PVT1: variants seen among roughly 807,000 people sequenced by gnomAD.
PVT1 encodes Pvt1 oncogene, also known as CXCR4/PVT1 fusion.
At chr8:127,927,367 C>T (rs974854396) in intron 3 of PVT1, among the ~76,000 whole-genome samples, 17 of 152,196 alleles carry the variant, frequency 1.1e-4, no homozygotes, top group African/African-American at 2.9e-4. Flanking sequence ...CATCCAGGCC[C>T]GTTTCTGGTC....
intron 4 of PVT1, among the ~76,000 whole-genome samples, chr8:128,033,617 G>C (rs891976295): frequency 1.3e-5 from 2 of 152,172 alleles, no homozygotes; most frequent in Non-Finnish European, 2.9e-5. Flanking sequence ...GGAGAAATGA[G>C]GCCTTTGAGC....
chr8:127,976,046 TTTTAAAGAGCC>T (rs1476098485), intron 3 of PVT1, among the ~76,000 whole-genome samples: 1 of 152,198 alleles, frequency 6.6e-6, no homozygotes, highest in African/African-American at 2.4e-5. Flanking sequence ...CCAGGATGGA[TTTTAAAGAGCC>T]TTGTTGTCTC....
intron 2 of PVT1, among the ~76,000 whole-genome samples, chr8:127,831,042 ACG>A (rs1814842398): frequency 1.7e-5 from 2 of 118,950 alleles, no homozygotes; most frequent in Admixed American, 2.0e-4. Context: ...TTATATACAT[ACG>A]TGTGTGTGTG....
chr8:127,916,564 C>G (rs1298687168), intron 3 of PVT1, among the ~76,000 whole-genome samples: 1 of 152,162 alleles, frequency 6.6e-6, no homozygotes, highest in Non-Finnish European at 1.5e-5. Flanking sequence ...TCGCCATAAC[C>G]AAGCAGGAGA....
intron 2 of PVT1, among the ~76,000 whole-genome samples, chr8:127,844,808 G>T (rs377092393): frequency 6.0e-4 from 91 of 152,174 alleles, no homozygotes; most frequent in Middle Eastern, 6.8e-3. Flanking sequence ...CCGCCTCCTG[G>T]GTTCATGCCA....
At chr8:127,958,718 A>G (rs1816600897) in intron 3 of PVT1, among the ~76,000 whole-genome samples, 2 of 152,148 alleles carry the variant, frequency 1.3e-5, no homozygotes, top group Admixed American at 6.5e-5. Context: ...GTGTGACTTG[A>G]CAGCTGCAAT....
intron 5 of PVT1, among the ~76,000 whole-genome samples, chr8:128,086,286 G>A (rs980473566): frequency 1.3e-5 from 2 of 152,198 alleles, no homozygotes; most frequent in African/African-American, 4.8e-5. Context: ...GACACAGGGA[G>A]ACCCAGGGCC....
At chr8:127,868,214 C>T (rs1815306049) in intron 2 of PVT1, among the ~76,000 whole-genome samples, 1 of 152,136 alleles carries the variant, frequency 6.6e-6, no homozygotes, top group Non-Finnish European at 1.5e-5. Flanking sequence ...TCCACCTTAG[C>T]ACTAGCTCTC....
intron 2 of PVT1, among the ~76,000 whole-genome samples, chr8:127,816,968 T>C (rs775346745): frequency 2.0e-5 from 3 of 152,198 alleles, no homozygotes; most frequent in Admixed American, 6.5e-5. Flanking sequence ...CACAGTTGAT[T>C]GATCTGTTCT....
At chr8:127,919,711 CCTCA>C (rs1692317058) in intron 3 of PVT1, among the ~76,000 whole-genome samples, 1 of 152,202 alleles carries the variant, frequency 6.6e-6, no homozygotes, top group African/African-American at 2.4e-5. Flanking sequence ...CGTTTTCTGG[CCTCA>C]CTCACTGTGG....
chr8:128,044,712 A>G (rs1294918948), intron 4 of PVT1, among the ~76,000 whole-genome samples: 1 of 152,246 alleles, frequency 6.6e-6, no homozygotes, highest in African/African-American at 2.4e-5. Flanking sequence ...GAGATGTTCA[A>G]TATAAAATAC....
chr8:128,086,211 A>T (rs1814253163), intron 5 of PVT1, among the ~76,000 whole-genome samples: 1 of 152,218 alleles, frequency 6.6e-6, no homozygotes, highest in African/African-American at 2.4e-5. Flanking sequence ...TAGGACACGA[A>T]CTAGTAGTTC....
intron 2 of PVT1, among the ~76,000 whole-genome samples, chr8:127,838,368 G>A (rs1337898893): frequency 1.3e-5 from 2 of 152,108 alleles, no homozygotes; most frequent in African/African-American, 2.4e-5. Flanking sequence ...GTAGTTTAAA[G>A]GTTTGTCATT....
intron 2 of PVT1, among the ~76,000 whole-genome samples, chr8:127,868,034 A>T (rs1291507977): frequency 6.6e-6 from 1 of 152,228 alleles, no homozygotes; most frequent in Non-Finnish European, 1.5e-5. Flanking sequence ...CTTGACTTTT[A>T]AAATAATCTT....
At chr8:128,058,027 C>T (rs542670950) in intron 4 of PVT1, among the ~76,000 whole-genome samples, 1 of 152,326 alleles carries the variant, frequency 6.6e-6, no homozygotes, top group African/African-American at 2.4e-5. Flanking sequence ...GACCCTTCAT[C>T]AGGAGCTGGG....
At chr8:128,088,673 C>A (rs1306019825) in intron 5 of PVT1, among the ~76,000 whole-genome samples, 1 of 152,186 alleles carries the variant, frequency 6.6e-6, no homozygotes, top group Non-Finnish European at 1.5e-5. Flanking sequence ...TGCATGTGCA[C>A]CTGAAAAGAA....
chr8:128,001,339 T>C (rs989298816), intron 4 of PVT1, among the ~76,000 whole-genome samples: 1 of 151,686 alleles, frequency 6.6e-6, no homozygotes, highest in Non-Finnish European at 1.5e-5. Flanking sequence ...TCTGCAAGGG[T>C]GTGTGACCAT....
At position 127,933,855 on chromosome 8, in the gene PVT1, C is replaced by G. The variant is rs534423308; in HGVS notation, n.782+42857C>G. On this transcript the variant is annotated intron_variant and non_coding_transcript_variant, in intron 3 of 10. Transcript: ENST00000651587. ...CCTTAGGAAAGTTTGAACAGTTTCT[C>G]TACATCCTGGGTTCTTCATCCATGA... Among the ~76,000 whole-genome samples the G allele has an allele frequency of 2.6e-5, 4 of 152,294 alleles. No individual in the cohort carries two copies. The South Asian group carries it at 8.3e-4, about 32-fold the overall frequency.
chr8:128,077,103 C>T (rs2130144328), intron 5 of PVT1, among the ~76,000 whole-genome samples: 1 of 152,312 alleles, frequency 6.6e-6, no homozygotes, highest in Non-Finnish European at 1.5e-5. Flanking sequence ...GTTATGGCTC[C>T]CTGCTGGGTG....
Sources: gnomAD v4.1 joint callset for allele counts (sites outside exome capture counted in the v4.1 genomes callset) on GRCh38, gnomAD v4.1.1 for gene constraint, MANE v1.5 for transcripts, NCBI Gene and HGNC (gene_info 2026-07-23, HGNC 2026-07-21) for gene names.